The following ETV6 variants were observed in gnomAD, a reference collection of about 807,000 sequenced individuals.
The protein encoded by ETV6 is transcription factor ETV6.
In ETV6, 16 loss-of-function variants were observed where a neutral mutation model predicts 51.1. The ratio of observed to expected loss-of-function variants is 0.31; its 90% CI spans 0.21 to 0.48. The LOEUF is 0.48. ETV6 is among the 20% of genes least tolerant of loss of function. The pLI is 0.99. For synonymous variants in ETV6, 240 were observed against 224.1 expected (o/e 1.07, Z -0.64); for missense variants, 458 against 594.8 (o/e 0.77, Z 2.39).
At chr12:11,652,009 A>G (rs966353713) in intron 1 of ETV6, among the ~76,000 whole-genome samples, 1 of 152,202 alleles carries the variant, frequency 6.6e-6, no homozygotes, top group Admixed American at 6.5e-5. Context: ...CCTTACTCAC[A>G]TACAGAACCA....
chr12:11,827,651 A>G (rs1040709658), intron 2 of ETV6, among the ~76,000 whole-genome samples: 10 of 152,010 alleles, frequency 6.6e-5, no homozygotes, highest in African/African-American at 2.4e-4. Flanking sequence ...TTCGCAGGAG[A>G]ATAGAGACAC....
At chr12:11,726,402 C>G (rs1865490578) in intron 1 of ETV6, among the ~76,000 whole-genome samples, 1 of 152,168 alleles carries the variant, frequency 6.6e-6, no homozygotes, top group Non-Finnish European at 1.5e-5. Context: ...ATGCACTTAG[C>G]TCATACAGTA....
intron 2 of ETV6, among the ~76,000 whole-genome samples, chr12:11,798,296 A>G (rs1322511117): frequency 6.6e-6 from 1 of 152,216 alleles, no homozygotes; most frequent in Non-Finnish European, 1.5e-5. Context: ...AAGACCTCCA[A>G]ATTGGTGGGC....
chr12:11,813,097 C>T (rs1184235129), intron 2 of ETV6, among the ~76,000 whole-genome samples: 1 of 152,238 alleles, frequency 6.6e-6, no homozygotes, highest in Non-Finnish European at 1.5e-5. Context: ...CTGTGCATGC[C>T]AGCCGGAGCC....
chr12:11,706,304 A>T (rs1865071425), intron 1 of ETV6, among the ~76,000 whole-genome samples: 1 of 152,240 alleles, frequency 6.6e-6, no homozygotes, highest in Non-Finnish European at 1.5e-5. Flanking sequence ...CCTTGTACAC[A>T]TGGAGAAATA....
intron 1 of ETV6, among the ~76,000 whole-genome samples, chr12:11,735,307 C>T (rs992970252): frequency 3.3e-5 from 5 of 152,062 alleles, no homozygotes; most frequent in African/African-American, 9.7e-5. Flanking sequence ...AAGCCTTTGG[C>T]TTCTTGATGT....
Position 11,788,618 on chromosome 12 carries a change from C to T in ETV6, c.163+36039C>T, listed in dbSNP as rs185993946. ...GTTGTATAAGGCTTGTTACAAACAC[C>T]TTCAATGTCCCCACTCCCCTCCCTT... On this transcript the variant is annotated intron_variant, in intron 2 of 7. Transcript: ENST00000396373. 2.8e-3 allele frequency among the ~76,000 whole-genome samples: 425 copies of T among 152,246 alleles called. 1 individual carries two copies. The highest frequency in any genetic ancestry group is 4.7e-3 in the Admixed American group (72 of 15,300).
At chr12:11,727,324 C>G (rs1477230290) in intron 1 of ETV6, among the ~76,000 whole-genome samples, 1 of 152,268 alleles carries the variant, frequency 6.6e-6, no homozygotes, top group Non-Finnish European at 1.5e-5. Context: ...CAACCGCACA[C>G]CTCACAGACC....
chr12:11,721,618 T>C (rs1865389362), intron 1 of ETV6, among the ~76,000 whole-genome samples: 1 of 152,162 alleles, frequency 6.6e-6, no homozygotes, highest in African/African-American at 2.4e-5. Context: ...AAACTACCTC[T>C]TGGGTACTGT....
intron 2 of ETV6, among the ~76,000 whole-genome samples, chr12:11,767,908 A>C (rs1945185390): frequency 2.0e-5 from 3 of 152,170 alleles, no homozygotes. Flanking sequence ...GGGGTCTCTG[A>C]ATGCTGACAT....
chr12:11,705,689 T>C (rs1482274772), intron 1 of ETV6, among the ~76,000 whole-genome samples: 1 of 152,212 alleles, frequency 6.6e-6, no homozygotes, highest in African/African-American at 2.4e-5. Flanking sequence ...AACAGCACAT[T>C]ATTTTTCGGG....
In ETV6 at chr12:11,895,065, CTT is replaced by C. The variant is rs1320219943; in HGVS notation, c.*4022_*4023del. The C allele has an allele frequency of 4.3e-6, 1 of 232,566 alleles. No individual in the cohort carries two copies. The highest frequency in any genetic ancestry group is 8.5e-6 in the Non-Finnish European group (1 of 117,380). The allele number at this position is 232,566 out of a possible 1,614,324, so 14.4% of individuals were successfully genotyped here. ...ACCCACAGAAGACTAACCTGATACT[CTT>C]TTGACCCAACTGCATCAACACTAAA... On this transcript the variant is annotated 3_prime_UTR_variant, in exon 8 of 8. Coordinates refer to ENST00000396373, the MANE Select transcript of ETV6 (RefSeq NM_001987.5).
At chr12:11,778,085 T>C (rs1228826575) in intron 2 of ETV6, among the ~76,000 whole-genome samples, 6 of 152,188 alleles carry the variant, frequency 3.9e-5, no homozygotes, top group African/African-American at 1.4e-4. Flanking sequence ...GCAAGCCATG[T>C]CAAATAGCAG....
chr12:11,697,603 A>T (rs1864900122), intron 1 of ETV6, among the ~76,000 whole-genome samples: 1 of 152,210 alleles, frequency 6.6e-6, no homozygotes, highest in Non-Finnish European at 1.5e-5. Context: ...AAGGCCTCAG[A>T]CTGATTAAGA....
At chr12:11,667,771 C>T (rs572128724) in intron 1 of ETV6, among the ~76,000 whole-genome samples, 6 of 139,900 alleles carry the variant, frequency 4.3e-5, no homozygotes, top group South Asian at 2.3e-4. Context: ...GGCATGGTCT[C>T]GGCTTACTGC....
At chr12:11,768,655 G>T (rs1355057653) in intron 2 of ETV6, among the ~76,000 whole-genome samples, 1 of 152,170 alleles carries the variant, frequency 6.6e-6, no homozygotes, top group East Asian at 1.9e-4. Flanking sequence ...TCTCGAAATG[G>T]CAAAAAAGCC....
At chr12:11,793,309 A>G (rs1053760163) in intron 2 of ETV6, among the ~76,000 whole-genome samples, 1 of 152,230 alleles carries the variant, frequency 6.6e-6, no homozygotes, top group Non-Finnish European at 1.5e-5. Context: ...TGAGGCACCA[A>G]CGGCAAGCTT....
In ETV6 at chr12:11,757,332, A is replaced by G. The variant is rs932878109; in HGVS notation, c.163+4753A>G. Among the ~76,000 whole-genome samples, 4 of 152,180 alleles carry G rather than the reference A, an allele frequency of 2.6e-5. No homozygotes were observed. The East Asian group carries it at 7.7e-4, about 29-fold the overall frequency. ...AGACAGCCACGTGACAGGCACAGCT[A>G]TATTAGAACCAGCATAGTGAGAAGG... is the stretch of plus-strand genomic sequence containing the variant. On this transcript the variant is annotated intron_variant, in intron 2 of 7. Coordinates refer to ENST00000396373, the MANE Select transcript of ETV6 (RefSeq NM_001987.5).
At chr12:11,814,426 A>AT (rs908335420) in intron 2 of ETV6, among the ~76,000 whole-genome samples, 3 of 151,896 alleles carry the variant, frequency 2.0e-5, no homozygotes, top group East Asian at 1.9e-4. Flanking sequence ...AGGTAAACAA[A>AT]TTTTTTTTTC....
Sources: gnomAD v4.1 joint callset for allele counts (sites outside exome capture counted in the v4.1 genomes callset) on GRCh38, gnomAD v4.1.1 for gene constraint, MANE v1.5 for transcripts, NCBI Gene and HGNC (gene_info 2026-07-23, HGNC 2026-07-21) for gene names.